Variants in DLEU7 observed in about 807,000 individuals in gnomAD.
DLEU7 encodes the protein deleted in lymphocytic leukemia 7.
DLEU7 carries 17 observed loss-of-function variants against 16.0 expected under a neutral mutation model. The ratio of observed to expected loss-of-function variants is 1.06; its 90% confidence interval spans 0.73 to 1.59. The LOEUF (loss-of-function observed/expected upper bound fraction) is 1.59. DLEU7 is among the 40% of genes most tolerant of loss of function. The pLI, the probability that DLEU7 is intolerant of heterozygous loss-of-function variation, is 0.00. For missense variants in DLEU7, 308 were observed against 314.9 expected (o/e 0.98, Z 0.17); for synonymous variants, 113 against 139.8 (o/e 0.81, Z 1.35).
intron 1 of DLEU7, among the ~76,000 whole-genome samples, chr13:50,765,423 TGAGGAGGAAGGAGAAAGAA>T (rs1479467435): frequency 2.7e-5 from 4 of 145,792 alleles, no homozygotes; most frequent in African/African-American, 7.6e-5. Context: ...GAAGAGAAAA[TGAGGAGGAAGGAGAAAGAA>T]GAGGAGGAAG....
intron 1 of DLEU7, among the ~76,000 whole-genome samples, chr13:50,753,800 G>A (rs1163453245): frequency 2.0e-5 from 3 of 152,250 alleles, no homozygotes; most frequent in African/African-American, 7.2e-5. Context: ...CGCCAAAGTG[G>A]GAGCCCAGGC....
At chr13:50,791,243 G>A (rs2137773789) in intron 1 of DLEU7, among the ~76,000 whole-genome samples, 1 of 152,294 alleles carries the variant, frequency 6.6e-6, no homozygotes, top group Non-Finnish European at 1.5e-5. Flanking sequence ...TGAGCAATGT[G>A]CAGGGTCAGG....
intron 1 of DLEU7, among the ~76,000 whole-genome samples, chr13:50,829,711 T>C (rs1241240822): frequency 6.6e-6 from 1 of 152,174 alleles, no homozygotes; most frequent in Non-Finnish European, 1.5e-5. Flanking sequence ...CTCAAATATA[T>C]TAGCAAAGAA....
At chr13:50,764,892 G>C (rs200626405) in intron 1 of DLEU7, among the ~76,000 whole-genome samples, 1 of 151,896 alleles carries the variant, frequency 6.6e-6, no homozygotes, top group African/African-American at 2.4e-5. Context: ...GTTTTGTTTT[G>C]TTTTGTTTGA....
At chr13:50,751,091 T>C (rs1464242823) in intron 1 of DLEU7, among the ~76,000 whole-genome samples, 5 of 152,178 alleles carry the variant, frequency 3.3e-5, no homozygotes, top group East Asian at 3.9e-4. Context: ...CAGTATTACA[T>C]TGAGGTATGT....
chr13:50,821,564 C>T (rs537577709), downstream of DLEU7, among the ~76,000 whole-genome samples: 62 of 152,096 alleles, frequency 4.1e-4, no homozygotes, highest in Middle Eastern at 6.8e-3. Flanking sequence ...GAAGAGTTCA[C>T]CTCTGGCTAG....
chr13:50,822,831 C>A (rs1009837625), downstream of DLEU7: 1 of 987,032 alleles, frequency 1.0e-6, no homozygotes, highest in African/African-American at 1.7e-5. Flanking sequence ...CTACAAAGAT[C>A]GTTCTTATAA....
At chr13:50,779,039 G>A (rs74078408) in intron 1 of DLEU7, among the ~76,000 whole-genome samples, 3,691 of 152,226 alleles carry the variant, frequency 0.024, 128 homozygotes, top group South Asian at 0.09. Context: ...TGAGATAAAG[G>A]ACAGGTGCTT....
chr13:50,836,221 T>A (rs1481689393), intron 1 of DLEU7, among the ~76,000 whole-genome samples: 3 of 152,220 alleles, frequency 2.0e-5, no homozygotes, highest in Admixed American at 2.0e-4. Context: ...AGCTTGTTTC[T>A]TCTCACATTT....
In DLEU7 at chr13:50,769,852, A is replaced by C. The variant is rs540916298; in HGVS notation, c.460-56612T>G. On this transcript the variant is annotated intron_variant, in intron 1 of 1. Transcript: ENST00000400393. ...TCATTGGTAGCTTGATGGAGATGGC[A>C]TTGAATCTATAAATTACCTTGGGCA... Among the ~76,000 whole-genome samples, 214 of 152,300 alleles carry C rather than the reference A, an allele frequency of 1.4e-3. 1 individual carries two copies. Among genetic ancestry groups the C allele is most frequent in the African/African-American group, 4.9e-3 (202 of 41,546 alleles).
At chr13:50,724,240 A>G (rs979979788) in intron 1 of DLEU7, among the ~76,000 whole-genome samples, 1 of 152,068 alleles carries the variant, frequency 6.6e-6, no homozygotes, top group Non-Finnish European at 1.5e-5. Flanking sequence ...AGTTGCTATC[A>G]CTCTCCTCTT....
intron 1 of DLEU7, among the ~76,000 whole-genome samples, chr13:50,768,409 A>G (rs983033856): frequency 2.0e-5 from 3 of 149,980 alleles, no homozygotes; most frequent in African/African-American, 7.3e-5. Flanking sequence ...TATATTAGGT[A>G]TTTCTTCTAA....
At position 50,733,638 on chromosome 13, in the gene DLEU7, CAT is replaced by C. The variant is rs576575852; in HGVS notation, c.460-20400_460-20399del. On this transcript the variant is annotated intron_variant, in intron 1 of 1. Coordinates refer to the DLEU7 transcript ENST00000400393. ...ACCCACACACACACATTTCCTGTCT[CAT>C]ATCTCTCAATCTTTAGTTGATCACA... Among the ~76,000 whole-genome samples the C allele has an allele frequency of 1.4e-4, 22 of 152,284 alleles. 1 individual carries two copies. The highest frequency in any genetic ancestry group is 1.2e-3 in the Admixed American group (18 of 15,278).
At chr13:50,729,774 T>C (rs749577942) in intron 1 of DLEU7, among the ~76,000 whole-genome samples, 1 of 152,220 alleles carries the variant, frequency 6.6e-6, no homozygotes, top group African/African-American at 2.4e-5. Context: ...GATTTGCATT[T>C]CTTTGATGAT....
At chr13:50,771,292 A>T (rs1016891522) in intron 1 of DLEU7, among the ~76,000 whole-genome samples, 3 of 151,454 alleles carry the variant, frequency 2.0e-5, no homozygotes, top group Non-Finnish European at 4.4e-5. Context: ...TTAGTTATTT[A>T]TTGTCTTCTG....
In DLEU7 at chr13:50,759,966, C is replaced by T. The variant is rs140253459; in HGVS notation, c.460-46726G>A. 3.5e-3 allele frequency among the ~76,000 whole-genome samples: 533 copies of T among 152,284 alleles called. 5 individuals are homozygous for T. The highest frequency in any genetic ancestry group is 0.011 in the African/African-American group (445 of 41,560). ...CCTACTATTCCTTGGATAGTGACCCCCCATGTAGCTCATCAGTCAGTGTCA... is the reference window on the plus strand; with the variant it reads ...CCTACTATTCCTTGGATAGTGACCCTCCATGTAGCTCATCAGTCAGTGTCA... On this transcript the variant is annotated intron_variant, in intron 1 of 1. Coordinates refer to the DLEU7 transcript ENST00000400393.
intron 1 of DLEU7, among the ~76,000 whole-genome samples, chr13:50,758,952 C>T (rs1229394212): frequency 6.6e-6 from 1 of 152,204 alleles, no homozygotes; most frequent in Non-Finnish European, 1.5e-5. Context: ...TGGAGCCCAT[C>T]TTAGGCTTAC....
At chr13:50,823,616 G>T in intron 1 of DLEU7, 96 bp from the exon 2 acceptor site, 1 of 1,391,482 alleles carries the variant, frequency 7.2e-7, no homozygotes, top group Non-Finnish European at 9.6e-7. Context: ...TTCTCTTCTG[G>T]TGACAGCACT....
intron 1 of DLEU7, among the ~76,000 whole-genome samples, chr13:50,803,855 A>G (rs920427309): frequency 4.6e-5 from 7 of 152,066 alleles, no homozygotes; most frequent in African/African-American, 1.7e-4. Context: ...TTATTTTTAT[A>G]TTGTCAGATT....
Sources: gnomAD v4.1 joint callset for allele counts (sites outside exome capture counted in the v4.1 genomes callset) on GRCh38, gnomAD v4.1.1 for gene constraint, MANE v1.5 for transcripts, NCBI Gene and HGNC (gene_info 2026-07-23, HGNC 2026-07-21) for gene names.